The following UNC13C variants were observed in gnomAD, a reference collection of about 807,000 sequenced individuals.
UNC13C encodes the protein protein unc-13 homolog C.
Under a neutral mutation model 245.4 loss-of-function variants are expected in UNC13C, and 174 were observed. The observed-to-expected ratio is 0.71, with a 90% confidence interval of 0.63 to 0.80. The LOEUF (loss-of-function observed/expected upper bound fraction) is 0.80. UNC13C is among the 30% of genes least tolerant of loss of function. The pLI is 0.00. For missense variants in UNC13C, 2,829 were observed against 2,602.9 expected (o/e 1.09, Z -1.89); for synonymous variants, 992 against 895.1 (o/e 1.11, Z -1.93).
At chr15:54,126,241 T>C (rs547994670) in intron 2 of UNC13C, among the ~76,000 whole-genome samples, 19 of 152,108 alleles carry the variant, frequency 1.2e-4, no homozygotes, top group Non-Finnish European at 2.6e-4. Context: ...AGGAACTTAA[T>C]CCAAATGTAA....
At chr15:54,047,105 A>G (rs1211361124) in intron 2 of UNC13C, among the ~76,000 whole-genome samples, 1 of 152,136 alleles carries the variant, frequency 6.6e-6, no homozygotes. Context: ...ATTTGGAGAC[A>G]GATGATTAAG....
At chr15:54,021,857 T>C (rs1328090735) in intron 2 of UNC13C, among the ~76,000 whole-genome samples, 1 of 152,250 alleles carries the variant, frequency 6.6e-6, no homozygotes, top group Admixed American at 6.5e-5. Flanking sequence ...ACCAGTGTGT[T>C]ACAATTGTCT....
At chr15:53,958,753 C>G in the UNC13C span, among the ~76,000 whole-genome samples, 1 of 152,158 alleles carries the variant, frequency 6.6e-6, no homozygotes, top group Admixed American at 6.5e-5. Context: ...ATGCTCTAAT[C>G]AGGGTAATTG....
At chr15:54,524,191 T>G (rs894089229) in intron 24 of UNC13C, among the ~76,000 whole-genome samples, 1 of 149,780 alleles carries the variant, frequency 6.7e-6, no homozygotes, top group East Asian at 1.9e-4. Context: ...AGCTCACAGA[T>G]ATGTTAATTT....
chr15:54,018,517 A>C (rs933366769), intron 2 of UNC13C, among the ~76,000 whole-genome samples: 1 of 152,222 alleles, frequency 6.6e-6, no homozygotes, highest in Admixed American at 6.5e-5. Flanking sequence ...CTTAAACAGC[A>C]TTCCAGTAGG....
At chr15:54,365,269 G>A (rs1012483345) in intron 17 of UNC13C, among the ~76,000 whole-genome samples, 2 of 152,024 alleles carry the variant, frequency 1.3e-5, no homozygotes, top group African/African-American at 4.8e-5. Flanking sequence ...TGGAGGCTAA[G>A]TATTTTGTAT....
chr15:53,935,116 T>A, the UNC13C span, among the ~76,000 whole-genome samples: 1 of 151,870 alleles, frequency 6.6e-6, no homozygotes, highest in Admixed American at 6.6e-5. Context: ...CAATATCTCC[T>A]ACTTTTCTTC....
At chr15:54,208,949 A>C (rs1386713886) in intron 4 of UNC13C, among the ~76,000 whole-genome samples, 1 of 152,116 alleles carries the variant, frequency 6.6e-6, no homozygotes, top group Non-Finnish European at 1.5e-5. Flanking sequence ...AAGTCTCCAA[A>C]AGAGAAACAT....
At chr15:54,479,803 T>C (rs1418944381) in intron 19 of UNC13C, among the ~76,000 whole-genome samples, 1 of 152,148 alleles carries the variant, frequency 6.6e-6, no homozygotes, top group Non-Finnish European at 1.5e-5. Flanking sequence ...CACTTCCAAA[T>C]ATAGGGATTC....
intron 2 of UNC13C, among the ~76,000 whole-genome samples, chr15:54,117,474 G>A (rs1432653630): frequency 6.7e-6 from 1 of 148,250 alleles, no homozygotes; most frequent in African/African-American, 2.5e-5. Context: ...TAGAGGTCTA[G>A]TTTCATTCTT....
the UNC13C span, among the ~76,000 whole-genome samples, chr15:53,905,432 A>ACACACACACACAC: frequency 6.7e-6 from 1 of 149,318 alleles, no homozygotes; most frequent in Non-Finnish European, 1.5e-5. Flanking sequence ...ACACACACAC[A>ACACACACACACAC]ATGGAATATT....
intron 2 of UNC13C, among the ~76,000 whole-genome samples, chr15:54,024,852 T>C (rs1251472792): frequency 1.3e-5 from 2 of 152,010 alleles, no homozygotes; most frequent in Non-Finnish European, 2.9e-5. Context: ...GAGGCGGCGC[T>C]TGCAGTGAGC....
chr15:54,320,937 T>A (rs932928855), intron 13 of UNC13C: 7 of 365,440 alleles, frequency 1.9e-5, no homozygotes, highest in African/African-American at 6.4e-5. Context: ...ACTGCTTCCA[T>A]TATTACCAAA....
the UNC13C span, among the ~76,000 whole-genome samples, chr15:53,891,151 A>G: frequency 6.6e-6 from 1 of 151,990 alleles, no homozygotes; most frequent in Non-Finnish European, 1.5e-5. Context: ...GGGTTGTTCA[A>G]TTTCCATGTA....
At chr15:54,336,073 A>G (rs908269742) in intron 16 of UNC13C, among the ~76,000 whole-genome samples, 2 of 152,026 alleles carry the variant, frequency 1.3e-5, no homozygotes, top group Non-Finnish European at 2.9e-5. Context: ...TTCTATCTGA[A>G]TATCTTTTTT....
chr15:54,379,449 C>A (rs544009540), intron 17 of UNC13C, among the ~76,000 whole-genome samples: 15 of 152,166 alleles, frequency 9.9e-5, no homozygotes, highest in African/African-American at 3.1e-4. Flanking sequence ...AAAAGCAAGT[C>A]CTGTTTTTAA....
intron 29 of UNC13C, among the ~76,000 whole-genome samples, chr15:54,564,849 C>A (rs1338642959): frequency 6.6e-6 from 1 of 151,976 alleles, no homozygotes; most frequent in Non-Finnish European, 1.5e-5. Flanking sequence ...CCTCTACTAC[C>A]TAGAGGCAGC....
intron 30 of UNC13C, among the ~76,000 whole-genome samples, chr15:54,596,581 C>T (rs1268337371): frequency 2.0e-5 from 3 of 152,140 alleles, no homozygotes; most frequent in African/African-American, 7.2e-5. Context: ...ATTGCACAGG[C>T]AGGAGGACTG....
intron 10 of UNC13C, among the ~76,000 whole-genome samples, chr15:54,272,989 G>C (rs2036726873): frequency 1.3e-5 from 2 of 152,130 alleles, no homozygotes; most frequent in Admixed American, 1.3e-4. Context: ...ACTTGACTTA[G>C]TTTTAAATTG....
Sources: gnomAD v4.1 joint callset for allele counts (sites outside exome capture counted in the v4.1 genomes callset) on GRCh38, gnomAD v4.1.1 for gene constraint, MANE v1.5 for transcripts, NCBI Gene and HGNC (gene_info 2026-07-23, HGNC 2026-07-21) for gene names.